NDC1: variants seen among roughly 807,000 people sequenced by gnomAD.
NDC1 encodes the protein nucleoporin NDC1.
A neutral mutation model predicts 89.8 loss-of-function variants in NDC1; 24 were observed. The observed-to-expected ratio is 0.27, with a 90% CI of 0.19 to 0.38. The LOEUF (loss-of-function observed/expected upper bound fraction) is 0.38, where lower values mean the gene tolerates loss of function less well. Ranked by LOEUF, NDC1 falls within the 10% of genes least tolerant of loss-of-function variation. NDC1 has a pLI of 1.00. For missense variants in NDC1, 728 were observed against 797.6 expected, an observed-to-expected ratio of 0.91 and a Z score of 1.05; for synonymous variants, 296 against 284.8, an observed-to-expected ratio of 1.04 and a Z score of -0.39.
At chr1:53,808,550 G>T (rs1221945353) in intron 7 of NDC1, among the ~76,000 whole-genome samples, 1 of 152,088 alleles carries the variant, frequency 6.6e-6, no homozygotes, top group Non-Finnish European at 1.5e-5. Context: ...ATTCACTGGG[G>T]GAGTCAACCA....
chr1:53,798,102 A>G (rs1190035387), intron 11 of NDC1, among the ~76,000 whole-genome samples: 1 of 150,140 alleles, frequency 6.7e-6, no homozygotes, highest in Non-Finnish European at 1.5e-5. Context: ...CACAAGCCAC[A>G]AAAACAAACA....
At chr1:53,774,796 T>G (rs988314409) in intron 16 of NDC1, among the ~76,000 whole-genome samples, 2 of 151,926 alleles carry the variant, frequency 1.3e-5, no homozygotes, top group African/African-American at 4.8e-5. Context: ...CTGATGTGGG[T>G]GGGAGGATTA....
At chr1:53,816,560 AG>A (rs901208893) in intron 6 of NDC1, among the ~76,000 whole-genome samples, 3 of 152,142 alleles carry the variant, frequency 2.0e-5, no homozygotes, top group Non-Finnish European at 2.9e-5. Flanking sequence ...CACGACCAAA[AG>A]CCCAAAAGCA....
rs551856641 is a variant in NDC1, at chr1:53,788,457, G to A, written c.1699+676C>T. The stretch of plus-strand genomic sequence containing the variant: ...ATTTTTTTTTTTGAGATGGAGTTGC[G>A]CTATTTGTTACCCAGGCTGGAGTGC... On this transcript the variant is annotated intron_variant, in intron 15 of 17. Transcript: ENST00000371429. Among the ~76,000 whole-genome samples the A allele has an allele frequency of 5.9e-5, 9 of 151,706 alleles. No individual in the cohort carries two copies. The East Asian group carries it at 1.6e-3, about 26-fold the overall frequency.
At chr1:53,792,143 C>G (rs567198692) in intron 14 of NDC1, among the ~76,000 whole-genome samples, 1 of 152,136 alleles carries the variant, frequency 6.6e-6, no homozygotes, top group East Asian at 1.9e-4. Flanking sequence ...AGGGTTTCAC[C>G]GTGTTAGCCA....
chr1:53,798,315 A>C (rs1322176460), intron 11 of NDC1, among the ~76,000 whole-genome samples: 1 of 150,160 alleles, frequency 6.7e-6, no homozygotes, highest in Non-Finnish European at 1.5e-5. Context: ...GATAACAGGC[A>C]TGCACAACCA....
At chr1:53,822,734 AAAT>A (rs1201722635) in intron 5 of NDC1, among the ~76,000 whole-genome samples, 4 of 152,116 alleles carry the variant, frequency 2.6e-5, no homozygotes, top group Non-Finnish European at 5.9e-5. Flanking sequence ...GTAGCATCAA[AAAT>A]AATGATGATA....
intron 15 of NDC1, among the ~76,000 whole-genome samples, chr1:53,787,866 T>TAAAAAA (rs10714462): frequency 7.4e-6 from 1 of 134,992 alleles, no homozygotes; most frequent in Non-Finnish European, 1.6e-5. Flanking sequence ...GCCAGGAAAT[T>TAAAAAA]AAAAAAAAAA....
At chr1:53,775,720 C>A (rs1647157206) in intron 16 of NDC1, among the ~76,000 whole-genome samples, 2 of 152,058 alleles carry the variant, frequency 1.3e-5, no homozygotes, top group African/African-American at 2.4e-5. Flanking sequence ...TTTTGGTGCA[C>A]AAATACAACA....
Position 53,825,783 on chromosome 1 carries a change from C to T in NDC1, c.594+15G>A, listed in dbSNP as rs752705038. 1.3e-6 allele frequency: 2 copies of T among 1,560,612 alleles called. No homozygotes were observed. The highest frequency in any genetic ancestry group is 4.6e-5 in the East Asian group (2 of 43,248). On this transcript the variant is annotated intron_variant, in intron 5 of 17. Coordinates refer to ENST00000371429, the MANE Select transcript of NDC1 (RefSeq NM_018087.5). ...AGCCAAATTTTGACATCAAGTAATG[C>T]TCAAATGATCTTACCTGTATGATGG...
intron 6 of NDC1, among the ~76,000 whole-genome samples, chr1:53,810,951 GC>G (rs1420111934): frequency 6.6e-6 from 1 of 152,184 alleles, no homozygotes; most frequent in African/African-American, 2.4e-5. Context: ...TACTGTGAGT[GC>G]CCCAACTGTG....
chr1:53,838,235 G>C lies in NDC1; in HGVS notation c.27C>G (p.Cys9Trp). 6.5e-7 allele frequency: 1 copy of C among 1,536,574 alleles called. No individual in the cohort carries two copies. Among genetic ancestry groups the C allele is most frequent in the Non-Finnish European group, 8.7e-7 (1 of 1,145,888 alleles). The change falls in exon 1 of 18, where the codon TGC becomes TGG. Residue 9 changes from cysteine (C) to tryptophan (W), a missense_variant. Cys to Trp is a radical substitution (Grantham distance 215). Transcript: ENST00000371429. The stretch of plus-strand genomic sequence containing the variant: ...ACAGTATGTCCCGCGACCTGCCGGC[G>C]CAGGGCCGGCTCACGGCCGTGGCCA... MATAVSRP[C>W]AGRSRDILWR...
At position 53,807,706 on chromosome 1, in the gene NDC1, G is replaced by T. The variant is rs766036287; in HGVS notation, c.841C>A (p.Leu281Met). ...ATCCATGAGACATACCAAGTCGTCA[G>T]GAGAAAGACACCACACAGCCAGACA... ...YHVWLCGVFL[L>M]TTWYVSWILF... The change falls in exon 8 of 18, where the codon CTG (leucine) becomes ATG (methionine). Residue 281 changes from leucine (L) to methionine (M), a missense_variant. Transcript: ENST00000371429. 1.2e-6 allele frequency: 2 copies of T among 1,613,772 alleles called. No homozygotes were observed. The highest frequency in any genetic ancestry group is 1.7e-6 in the Non-Finnish European group (2 of 1,179,710).
intron 16 of NDC1, among the ~76,000 whole-genome samples, chr1:53,779,830 T>C (rs114978420): frequency 0.012 from 1,897 of 152,298 alleles, 43 homozygotes; most frequent in African/African-American, 0.043. Context: ...TAAAGCAGCA[T>C]AGGACTTCAT....
At chr1:53,805,444 G>A (rs1362562643) in intron 9 of NDC1, among the ~76,000 whole-genome samples, 4 of 152,176 alleles carry the variant, frequency 2.6e-5, no homozygotes, top group Non-Finnish European at 5.9e-5. Context: ...GGGCTCAAGT[G>A]ATCCTCTCAC....
chr1:53,768,347 G>GA (rs1315599684), intron 17 of NDC1, among the ~76,000 whole-genome samples: 1 of 152,088 alleles, frequency 6.6e-6, no homozygotes. Flanking sequence ...AGATTTTCTG[G>GA]ATTTTATTAT....
intron 6 of NDC1, among the ~76,000 whole-genome samples, chr1:53,813,899 T>G (rs1648393993): frequency 6.6e-6 from 1 of 152,126 alleles, no homozygotes; most frequent in Admixed American, 6.5e-5. Context: ...CTCAATAAAT[T>G]TCAGAAAACT....
intron 7 of NDC1, among the ~76,000 whole-genome samples, chr1:53,808,920 A>AT (rs1210192915): frequency 6.6e-6 from 1 of 152,246 alleles, no homozygotes; most frequent in Non-Finnish European, 1.5e-5. Flanking sequence ...TGAATTCCAT[A>AT]TATGAAACAA....
chr1:53,837,009 G>A lies in NDC1; in HGVS notation c.57+1196C>T, dbSNP rs561693397. ...TCAGAAGACACTGTCAGCCAAGTGC[G>A]GTGGCTCACAAGTGCCAAAGGTGGC... On this transcript the variant is annotated intron_variant, in intron 1 of 17. Transcript: ENST00000371429. Among the ~76,000 whole-genome samples, 4 of 152,226 alleles carry A rather than the reference G, an allele frequency of 2.6e-5. No individual in the cohort carries two copies. The East Asian group carries it at 5.8e-4, about 22-fold the overall frequency.
Sources: gnomAD v4.1 joint callset for allele counts (sites outside exome capture counted in the v4.1 genomes callset) on GRCh38, gnomAD v4.1.1 for gene constraint, MANE v1.5 for transcripts, NCBI Gene and HGNC (gene_info 2026-07-23, HGNC 2026-07-21) for gene names.